Variants in AUTS2 observed in about 807,000 individuals in gnomAD.
The protein encoded by AUTS2 is autism susceptibility gene 2 protein.
Under a neutral mutation model 112.4 loss-of-function variants are expected in AUTS2, and 17 were observed. The ratio of observed to expected loss-of-function variants is 0.15; its 90% CI spans 0.10 to 0.23. AUTS2 has a LOEUF of 0.23. Ranked by LOEUF, AUTS2 falls within the 10% of genes least tolerant of loss-of-function variation. AUTS2 has a pLI of 1.00. For synonymous variants in AUTS2, 751 were observed against 702.7 expected (o/e 1.07, Z -1.09); for missense variants, 1,510 against 1,701.6 (o/e 0.89, Z 1.98).
At chr7:70,558,853 G>C (rs1801358429) in intron 5 of AUTS2, among the ~76,000 whole-genome samples, 1 of 152,218 alleles carries the variant, frequency 6.6e-6, no homozygotes, top group South Asian at 2.1e-4. Flanking sequence ...GAAGCCCAGG[G>C]ACAAGGGTCT....
chr7:70,103,909 C>CAA (rs879409153), intron 2 of AUTS2, among the ~76,000 whole-genome samples: 3 of 116,486 alleles, frequency 2.6e-5, no homozygotes, highest in South Asian at 5.2e-4. Flanking sequence ...GACTCCATCT[C>CAA]AAAAAAAAAA....
chr7:70,778,668 C>G (rs1394246514), intron 14 of AUTS2, among the ~76,000 whole-genome samples: 1 of 152,038 alleles, frequency 6.6e-6, no homozygotes, highest in Admixed American at 6.6e-5. Context: ...CTTTGGTTGT[C>G]AGATACCTGC....
At chr7:70,260,458 G>A (rs1414222631) in intron 4 of AUTS2, among the ~76,000 whole-genome samples, 1 of 151,992 alleles carries the variant, frequency 6.6e-6, no homozygotes, top group Non-Finnish European at 1.5e-5. Context: ...GAGGGGCTGG[G>A]GCTGCATCTG....
chr7:69,634,600 C>T (rs1794431866), intron 1 of AUTS2, among the ~76,000 whole-genome samples: 1 of 152,132 alleles, frequency 6.6e-6, no homozygotes, highest in Non-Finnish European at 1.5e-5. Flanking sequence ...GGGACCCGAA[C>T]TGTGAAGAGA....
chr7:70,527,845 A>G (rs1799908258), intron 5 of AUTS2, among the ~76,000 whole-genome samples: 1 of 152,190 alleles, frequency 6.6e-6, no homozygotes, highest in African/African-American at 2.4e-5. Flanking sequence ...TACTGAGACA[A>G]GAAGCAAAGC....
intron 5 of AUTS2, among the ~76,000 whole-genome samples, chr7:70,636,732 A>C (rs1805553258): frequency 6.6e-6 from 1 of 151,430 alleles, no homozygotes; most frequent in African/African-American, 2.4e-5. Flanking sequence ...CTGCAGCCTC[A>C]AACTCCTGGG....
chr7:70,591,769 C>T lies in AUTS2; in HGVS notation c.691-106800C>T, dbSNP rs1033589313. ...CACCTGCAACATACTTTGTAGTCTA[C>T]GCATGTGTCAGGGCTATTTGCTGGT... is the stretch of plus-strand genomic sequence containing the variant. On this transcript the variant is annotated intron_variant, in intron 5 of 18. Coordinates refer to ENST00000342771, the MANE Select transcript of AUTS2 (RefSeq NM_015570.4). 5.9e-5 allele frequency among the ~76,000 whole-genome samples: 9 copies of T among 152,148 alleles called. No homozygotes were observed. The South Asian group carries it at 8.3e-4, about 14-fold the overall frequency.
Position 70,762,882 on chromosome 7 carries a change from G to A in AUTS2, c.755G>A (p.Gly252Asp). The A allele has an allele frequency of 6.2e-7, 1 of 1,613,106 alleles. No homozygotes were observed. Among genetic ancestry groups the A allele is most frequent in the Non-Finnish European group, 8.5e-7 (1 of 1,179,224 alleles). ...CTCTCCCATGCAGATCCGGAGTTAGGTGTTGGCACGCTACCAGAACATGAC... is the reference window on the plus strand; with the variant it reads ...CTCTCCCATGCAGATCCGGAGTTAGATGTTGGCACGCTACCAGAACATGAC... ...TVIVNKDPEL[G>D]VGTLPEHDSQ... Residue 252 changes from glycine to aspartate, a missense_variant, in exon 7 of 19, where the codon GGT becomes GAT. Around this residue, in one of 3 missense-constraint regions of AUTS2, gnomAD observed 535 missense variants for 594.3 expected, o/e 0.90. Coordinates refer to ENST00000342771, the MANE Select transcript of AUTS2 (RefSeq NM_015570.4).
rs538170112 is a variant in AUTS2, at chr7:69,625,819, T to C, written c.309+25857T>C. ...GCTGCAGTAAGCTGGGATTGCCCAC[T>C]GTACTCCAACCCGGGTGCCAGAGTG... On this transcript the variant is annotated intron_variant, in intron 1 of 18. Transcript: ENST00000342771. Among the ~76,000 whole-genome samples, 3 of 152,076 alleles carry C rather than the reference T, an allele frequency of 2.0e-5. No individual in the cohort carries two copies. In the East Asian group the frequency reaches 5.8e-4, roughly 29 times the overall value.
At chr7:70,443,642 A>G (rs1796206202) in intron 5 of AUTS2, among the ~76,000 whole-genome samples, 1 of 152,194 alleles carries the variant, frequency 6.6e-6, no homozygotes, top group African/African-American at 2.4e-5. Flanking sequence ...AAGCAACTGA[A>G]GGAAACTTAC....
In AUTS2 at chr7:70,790,540, G is replaced by T. The variant is rs1585702906; in HGVS notation, c.3324G>T (p.Arg1108=). ...CGCTCCACCGGCTCTCGACTCCCCG[G>T]CTGTACGAAGCCGACCGCTCCTTCA... The part of the protein sequence containing the change: ...NDPLHRLSTP[R]LYEADRSFRD... The change falls in exon 19 of 19, where the codon CGG becomes CGT. Residue 1108 remains arginine, a synonymous_variant. Coordinates refer to ENST00000342771, the MANE Select transcript of AUTS2 (RefSeq NM_015570.4). This position sits in a 1 kb window ranked among gnomAD's most constrained non-coding sequence, Gnocchi z 7.6. 1.2e-6 allele frequency: 2 copies of T among 1,606,632 alleles called. No individual in the cohort carries two copies. Among genetic ancestry groups the T allele is most frequent in the Middle Eastern group, 1.7e-4 (1 of 6,052 alleles).
chr7:70,398,889 G>A (rs531296191), intron 4 of AUTS2, among the ~76,000 whole-genome samples: 1 of 150,344 alleles, frequency 6.7e-6, no homozygotes, highest in South Asian at 2.1e-4. Context: ...TCTAATCCTG[G>A]TTTTCTGATT....
intron 1 of AUTS2, among the ~76,000 whole-genome samples, chr7:69,848,913 T>C (rs1236463521): frequency 3.3e-5 from 5 of 152,130 alleles, no homozygotes; most frequent in Non-Finnish European, 7.4e-5. Flanking sequence ...ATTGACTAAA[T>C]AATCTTCAGA....
chr7:69,830,271 T>C (rs533181552), intron 1 of AUTS2, among the ~76,000 whole-genome samples: 30 of 152,126 alleles, frequency 2.0e-4, no homozygotes, highest in Admixed American at 1.7e-3. Context: ...TCAGAACAAA[T>C]AGCTAATGCA....
At chr7:69,982,434 T>C (rs1202008711) in intron 2 of AUTS2, among the ~76,000 whole-genome samples, 1 of 151,618 alleles carries the variant, frequency 6.6e-6, no homozygotes, top group Non-Finnish European at 1.5e-5. Context: ...CTCTTTCTTT[T>C]CTTCACCCCT....
At chr7:69,996,869 C>T (rs1259283131) in intron 2 of AUTS2, among the ~76,000 whole-genome samples, 1 of 149,744 alleles carries the variant, frequency 6.7e-6, no homozygotes, top group Non-Finnish European at 1.5e-5. Context: ...CCACTCCAGA[C>T]CTACTAAATC....
In AUTS2 at chr7:70,694,792, C is replaced by T. The variant is rs1054674132; in HGVS notation, c.691-3777C>T. 4.0e-5 allele frequency: 6 copies of T among 150,770 alleles called. No individual in the cohort carries two copies. The highest frequency in any genetic ancestry group is 7.4e-5 in the Non-Finnish European group (5 of 67,448). 9.3% of individuals were successfully genotyped at this position (150,770 alleles called of 1,614,324 possible). A position where few individuals can be genotyped will look rare whatever the true frequency, so the allele number is the denominator to read the frequency against. On this transcript the variant is annotated intron_variant, in intron 5 of 18. Coordinates refer to ENST00000342771, the MANE Select transcript of AUTS2 (RefSeq NM_015570.4). This position sits in a 1 kb window ranked among gnomAD's most constrained non-coding sequence, Gnocchi z 4.1. ...GCCTCGGCCGCGCTGGATGTGTGCG[C>T]GCGGCGCCGGCTCTCGGTCGCCCCG... is the stretch of plus-strand genomic sequence containing the variant.
At chr7:69,830,365 C>T (rs1024226938) in intron 1 of AUTS2, among the ~76,000 whole-genome samples, 2 of 151,974 alleles carry the variant, frequency 1.3e-5, no homozygotes, top group African/African-American at 4.8e-5. Flanking sequence ...CATAGGTATA[C>T]CTGTACATTC....
chr7:70,552,758 A>G (rs1184105577), intron 5 of AUTS2, among the ~76,000 whole-genome samples: 1 of 152,156 alleles, frequency 6.6e-6, no homozygotes, highest in Non-Finnish European at 1.5e-5. Context: ...AGATCCCCCA[A>G]ATCTGAAGCA....
Sources: gnomAD v4.1 joint callset for allele counts (sites outside exome capture counted in the v4.1 genomes callset) on GRCh38, gnomAD v4.1.1 for gene constraint, gnomAD v4.1.1 regional missense constraint, Gnocchi (gnomAD v3.1) non-coding constraint, MANE v1.5 for transcripts, NCBI Gene and HGNC (gene_info 2026-07-23, HGNC 2026-07-21) for gene names.